UBAP2: variants seen among roughly 807,000 people sequenced by gnomAD.
UBAP2 encodes the protein ubiquitin-associated protein 2.
In UBAP2, 75 loss-of-function variants were observed where a neutral mutation model predicts 139.6. That is an observed-to-expected ratio of 0.54 (90% confidence interval 0.45 to 0.65). UBAP2 has a LOEUF of 0.65. Among genes scored for constraint, UBAP2 ranks in the 30% least tolerant of loss-of-function variants. UBAP2 has a pLI of 0.00. For synonymous variants in UBAP2, 526 were observed against 526.2 expected (o/e 1.00, Z 0.01); for missense variants, 1,368 against 1,369.6 (o/e 1.00, Z 0.02).
intron 6 of UBAP2, among the ~76,000 whole-genome samples, chr9:33,986,372 G>C (rs552739005): frequency 6.6e-6 from 1 of 152,100 alleles, no homozygotes; most frequent in African/African-American, 2.4e-5. Context: ...GTGAGGACTA[G>C]AGCAAAAAGA....
Position 34,017,160 on chromosome 9 carries a change from A to T in UBAP2, c.-12T>A. ...ACTGAAGTCATCATATACAGTATAT[A>T]CAAAATAATGTATGTACAAAATAGA... is the stretch of plus-strand genomic sequence containing the variant. On this transcript the variant is annotated 5_prime_UTR_variant, in exon 2 of 29. Coordinates refer to ENST00000379238, the MANE Select transcript of UBAP2 (RefSeq NM_001370062.2). 1 of 1,549,574 alleles carries T rather than the reference A, an allele frequency of 6.5e-7. No homozygotes were observed. The highest frequency in any genetic ancestry group is 8.7e-7 in the Non-Finnish European group (1 of 1,147,002).
chr9:33,926,799 A>T, intron 21 of UBAP2, 135 bp from the exon 22 acceptor site: 1 of 1,058,956 alleles, frequency 9.4e-7, no homozygotes. Flanking sequence ...CTGTTACGGG[A>T]ACAGATCCTG....
At chr9:34,035,514 A>AAAAAAAAAAAATATATATATATATATAT in intron 1 of UBAP2, among the ~76,000 whole-genome samples, 5 of 22,488 alleles carry the variant, frequency 2.2e-4, no homozygotes, top group East Asian at 3.6e-3. Context: ...AAAAAAAAAA[A>AAAAAAAAAAAATATATATATATATATAT]ATATATATAT....
chr9:33,969,113 G>T (rs1262232617), intron 8 of UBAP2, among the ~76,000 whole-genome samples: 1 of 152,114 alleles, frequency 6.6e-6, no homozygotes, highest in Non-Finnish European at 1.5e-5. Flanking sequence ...AGACAGACCT[G>T]TTCAACAGGA....
intron 10 of UBAP2, among the ~76,000 whole-genome samples, chr9:33,958,213 C>T (rs1234959278): frequency 6.6e-6 from 1 of 152,186 alleles, no homozygotes. Context: ...CCTCCTGCCT[C>T]AGCCTCCCAA....
At chr9:33,990,351 T>A (rs1013150324) in intron 4 of UBAP2, among the ~76,000 whole-genome samples, 3 of 152,196 alleles carry the variant, frequency 2.0e-5, no homozygotes, top group Admixed American at 6.5e-5. Context: ...ATTTGGGTGA[T>A]AAGTTGAATT....
chr9:34,039,331 C>A (rs1165923963), intron 1 of UBAP2, among the ~76,000 whole-genome samples: 1 of 152,204 alleles, frequency 6.6e-6, no homozygotes, highest in East Asian at 1.9e-4. Context: ...CTCTGCCCGG[C>A]CGCCACCTCA....
Position 33,981,115 on chromosome 9 carries a change from T to TTCTGG in UBAP2, c.520+5644_520+5645insCCAGA, listed in dbSNP as rs1292697883. Among the ~76,000 whole-genome samples, 3 of 7,150 alleles carry TTCTGG rather than the reference T, an allele frequency of 4.2e-4. 1 individual carries two copies. The highest frequency in any genetic ancestry group is 3.2e-3 in the East Asian group (1 of 308). 4.7% of individuals were successfully genotyped at this position (7,150 alleles called of 152,430 possible). On this transcript the variant is annotated intron_variant, in intron 6 of 28. Coordinates refer to ENST00000379238, the MANE Select transcript of UBAP2 (RefSeq NM_001370062.2). The stretch of plus-strand genomic sequence containing the variant: ...TATATATATTCTGGATATATATATA[T>TTCTGG]ATATATATATATATATATATATTCT...
intron 4 of UBAP2, among the ~76,000 whole-genome samples, chr9:33,993,877 A>G (rs1417592105): frequency 6.6e-6 from 1 of 150,676 alleles, no homozygotes; most frequent in Non-Finnish European, 1.5e-5. Flanking sequence ...GTTCTTCATG[A>G]AAAGTTCAGC....
At chr9:33,930,084 A>AT (rs1316678628) in intron 19 of UBAP2, among the ~76,000 whole-genome samples, 1 of 151,514 alleles carries the variant, frequency 6.6e-6, no homozygotes, top group African/African-American at 2.4e-5. Context: ...TCAAATATAT[A>AT]AAAAAAAGGA....
At chr9:33,929,028 A>G (rs1178106532) in intron 19 of UBAP2, among the ~76,000 whole-genome samples, 2 of 152,162 alleles carry the variant, frequency 1.3e-5, no homozygotes, top group Non-Finnish European at 2.9e-5. Flanking sequence ...TGGGGCTCCA[A>G]GGCGTCTTGT....
chr9:33,980,463 G>A (rs2764320), intron 6 of UBAP2, among the ~76,000 whole-genome samples: 1,949 of 150,372 alleles, frequency 0.013, 43 homozygotes, highest in African/African-American at 0.045. Context: ...GGGTGGTCTC[G>A]ATCTCCTGAC....
chr9:33,924,318 G>A (rs777021118), intron 22 of UBAP2, 34 bp from the exon 23 acceptor site: 1 of 1,596,016 alleles, frequency 6.3e-7, no homozygotes, highest in South Asian at 1.1e-5. Context: ...ATCAGCGACT[G>A]GCCCTGCTTG....
At chr9:34,003,695 C>T (rs1259143221) in intron 2 of UBAP2, among the ~76,000 whole-genome samples, 2 of 151,932 alleles carry the variant, frequency 1.3e-5, no homozygotes, top group Non-Finnish European at 2.9e-5. Context: ...GCGTGAGCCA[C>T]CACACACGGC....
At chr9:34,035,278 G>T (rs570491262) in intron 1 of UBAP2, among the ~76,000 whole-genome samples, 1 of 151,442 alleles carries the variant, frequency 6.6e-6, no homozygotes, top group Non-Finnish European at 1.5e-5. Context: ...CGAGGCGGGC[G>T]GATCACCTGA....
At chr9:34,013,573 A>C (rs1272004155) in intron 2 of UBAP2, among the ~76,000 whole-genome samples, 1 of 152,106 alleles carries the variant, frequency 6.6e-6, no homozygotes, top group African/African-American at 2.4e-5. Context: ...GACATTTAAA[A>C]TTGAGTAATT....
At chr9:33,963,643 C>T in intron 9 of UBAP2, 83 bp downstream of exon 9, 1 of 799,728 alleles carries the variant, frequency 1.3e-6, no homozygotes, top group Non-Finnish European at 2.0e-6. Flanking sequence ...TTTTTATTAG[C>T]TAGCTTTGAT....
chr9:33,952,063 G>A (rs78692337), intron 12 of UBAP2, among the ~76,000 whole-genome samples: 2,703 of 152,130 alleles, frequency 0.018, 43 homozygotes, highest in Non-Finnish European at 0.025. Context: ...AAAATACTAA[G>A]GAAAAGTTTA....
chr9:33,988,639 A>T (rs1456551635), intron 5 of UBAP2, among the ~76,000 whole-genome samples: 1 of 152,164 alleles, frequency 6.6e-6, no homozygotes, highest in Non-Finnish European at 1.5e-5. Flanking sequence ...TGTCTGACTC[A>T]TAACAGAAGG....
Sources: allele counts gnomAD v4.1 joint callset (sites outside exome capture counted in the v4.1 genomes callset), GRCh38; gene constraint gnomAD v4.1.1; transcripts MANE v1.5; gene names NCBI Gene and HGNC (gene_info 2026-07-23, HGNC 2026-07-21).